Variants in PTPRT observed in about 807,000 individuals in gnomAD.
PTPRT encodes protein tyrosine phosphatase receptor type T, also known as receptor-type tyrosine-protein phosphatase T.
PTPRT carries 56 observed loss-of-function variants against 176.8 expected under a neutral mutation model. That is an observed-to-expected ratio of 0.32 (90% CI 0.26 to 0.40). The LOEUF (loss-of-function observed/expected upper bound fraction) is 0.40, where lower values mean the gene tolerates loss of function less well. PTPRT is among the 10% of genes least tolerant of loss of function. The pLI, the probability that PTPRT is intolerant of heterozygous loss-of-function variation, is 1.00. For missense variants in PTPRT, 1,540 were observed against 1,908.2 expected (o/e 0.81, Z 3.60); for synonymous variants, 783 against 739.0 (o/e 1.06, Z -0.96).
intron 6 of PTPRT, among the ~76,000 whole-genome samples, chr20:42,681,762 C>T (rs770658734): frequency 5.9e-5 from 9 of 152,012 alleles, no homozygotes; most frequent in Non-Finnish European, 1.2e-4. Context: ...GGAGGGCATT[C>T]GAGAATAGAG....
At chr20:43,143,669 G>A (rs573480053) in intron 1 of PTPRT, among the ~76,000 whole-genome samples, 1 of 152,142 alleles carries the variant, frequency 6.6e-6, no homozygotes, top group Admixed American at 6.5e-5. Flanking sequence ...CTAAGGAAAG[G>A]GTACTGGGAT....
chr20:42,701,749 C>T (rs2075976830), intron 6 of PTPRT, among the ~76,000 whole-genome samples: 1 of 151,986 alleles, frequency 6.6e-6, no homozygotes, highest in Admixed American at 6.5e-5. Context: ...TAGAAGGGTC[C>T]CACCAAGAAG....
chr20:42,376,243 A>C (rs554539039), intron 9 of PTPRT, among the ~76,000 whole-genome samples: 10 of 152,334 alleles, frequency 6.6e-5, no homozygotes, highest in Non-Finnish European at 1.0e-4. Flanking sequence ...GAGACATTCT[A>C]CAGTTGATTC....
At position 42,101,160 on chromosome 20, in the gene PTPRT, T is replaced by C. The variant is rs572930956; in HGVS notation, c.3714+964A>G. ...TGGAAGGGCTCATTATATCAGGCAA[T>C]GGTGTTCTTGGTTTTGAGCCTCAGG... On this transcript the variant is annotated intron_variant, in intron 26 of 30. Transcript: ENST00000373187. 4.6e-5 allele frequency among the ~76,000 whole-genome samples: 7 copies of C among 152,228 alleles called. No homozygotes were observed. In the East Asian group the frequency reaches 9.7e-4, roughly 21 times the overall value.
intron 7 of PTPRT, among the ~76,000 whole-genome samples, chr20:42,656,507 T>C (rs1171457931): frequency 1.3e-5 from 2 of 152,146 alleles, no homozygotes; most frequent in African/African-American, 4.8e-5. Context: ...AAAGGCAGAA[T>C]GTCAACTCAT....
chr20:42,837,720 G>C (rs1434347583), intron 2 of PTPRT, among the ~76,000 whole-genome samples: 1 of 152,210 alleles, frequency 6.6e-6, no homozygotes, highest in Non-Finnish European at 1.5e-5. Context: ...GAGTCCAGTT[G>C]CTACACGCAG....
At chr20:42,639,862 T>G (rs1224682296) in intron 7 of PTPRT, among the ~76,000 whole-genome samples, 2 of 152,116 alleles carry the variant, frequency 1.3e-5, no homozygotes, top group Non-Finnish European at 2.9e-5. Context: ...GCACCTGTCT[T>G]TTTACTCTGG....
intron 9 of PTPRT, among the ~76,000 whole-genome samples, chr20:42,358,764 A>G (rs2058391895): frequency 1.3e-5 from 2 of 152,224 alleles, no homozygotes; most frequent in Admixed American, 6.5e-5. Flanking sequence ...TGTGAGAAGA[A>G]GAAGATACGC....
intron 1 of PTPRT, among the ~76,000 whole-genome samples, chr20:43,024,468 T>C (rs1157479555): frequency 2.0e-5 from 3 of 151,588 alleles, no homozygotes. Flanking sequence ...CACGCTCCTA[T>C]AATCCCAACT....
intron 2 of PTPRT, among the ~76,000 whole-genome samples, chr20:42,861,972 A>C (rs2078669639): frequency 6.6e-6 from 1 of 152,214 alleles, no homozygotes; most frequent in Non-Finnish European, 1.5e-5. Flanking sequence ...GTCCAACAGA[A>C]ATACAATGCA....
At chr20:43,080,298 C>T (rs568454497) in intron 1 of PTPRT, among the ~76,000 whole-genome samples, 11 of 152,328 alleles carry the variant, frequency 7.2e-5, no homozygotes, top group Non-Finnish European at 1.0e-4. Context: ...CTGGCTCCTG[C>T]AGTGACGACT....
At chr20:42,430,755 T>C (rs1210204715) in intron 9 of PTPRT, among the ~76,000 whole-genome samples, 1 of 152,168 alleles carries the variant, frequency 6.6e-6, no homozygotes, top group East Asian at 1.9e-4. Context: ...CTCCAGCAAG[T>C]CCTTGGAGAG....
chr20:42,176,859 G>A (rs906055223), intron 16 of PTPRT, among the ~76,000 whole-genome samples: 4 of 152,198 alleles, frequency 2.6e-5, no homozygotes, highest in Admixed American at 6.5e-5. Context: ...TGCAACAGAT[G>A]TTTGAAAGAG....
chr20:42,437,249 A>C (rs1048873335), intron 9 of PTPRT, among the ~76,000 whole-genome samples: 6 of 152,212 alleles, frequency 3.9e-5, no homozygotes, highest in Non-Finnish European at 8.8e-5. Context: ...TGAAACTAGG[A>C]GTGAGATTAA....
chr20:42,741,324 G>A (rs908201662), intron 6 of PTPRT, among the ~76,000 whole-genome samples: 2 of 152,104 alleles, frequency 1.3e-5, no homozygotes, highest in Non-Finnish European at 2.9e-5. Flanking sequence ...CAATCACTAC[G>A]GGTATATCCA....
intron 7 of PTPRT, among the ~76,000 whole-genome samples, chr20:42,487,182 A>G (rs1486708424): frequency 6.6e-6 from 1 of 152,216 alleles, no homozygotes; most frequent in Admixed American, 6.5e-5. Context: ...CATTTTAACT[A>G]TTATGGAATG....
chr20:42,108,572 A>AAATT (rs1164054851), intron 23 of PTPRT, among the ~76,000 whole-genome samples: 1 of 152,358 alleles, frequency 6.6e-6, no homozygotes, highest in East Asian at 1.9e-4. Flanking sequence ...TTTTATTGAG[A>AAATT]AATTATTACT....
chr20:42,915,419 C>T (rs1037206089), intron 1 of PTPRT, among the ~76,000 whole-genome samples: 1 of 152,194 alleles, frequency 6.6e-6, no homozygotes, highest in Non-Finnish European at 1.5e-5. Context: ...CCTGTGGGGG[C>T]CTGGCTGCTC....
At chr20:43,058,825 TCAGTCTTA>T (rs1987344016) in intron 1 of PTPRT, among the ~76,000 whole-genome samples, 1 of 152,184 alleles carries the variant, frequency 6.6e-6, no homozygotes, top group Admixed American at 6.5e-5. Context: ...TATTTTTTTT[TCAGTCTTA>T]CAGAGAGAGC....
Sources: allele counts gnomAD v4.1 joint callset (sites outside exome capture counted in the v4.1 genomes callset), GRCh38; gene constraint gnomAD v4.1.1; transcripts MANE v1.5; gene names NCBI Gene and HGNC (gene_info 2026-07-23, HGNC 2026-07-21).